GRM7: variants seen among roughly 807,000 people sequenced by gnomAD.
GRM7 encodes glutamate metabotropic receptor 7.
A neutral mutation model predicts 84.5 loss-of-function variants in GRM7; 35 were observed. The ratio of observed to expected loss-of-function variants is 0.41; its 90% CI spans 0.32 to 0.55. The LOEUF is 0.55. GRM7 is among the 20% of genes least tolerant of loss of function. The pLI is 0.19. For synonymous variants in GRM7, 487 were observed against 455.1 expected (o/e 1.07, Z -0.89); for missense variants, 1,003 against 1,194.6 (o/e 0.84, Z 2.36).
At chr3:7,352,076 C>CACAT (rs1693184401) in intron 4 of GRM7, among the ~76,000 whole-genome samples, 1 of 150,380 alleles carries the variant, frequency 6.6e-6, no homozygotes, top group Non-Finnish European at 1.5e-5. Flanking sequence ...CACACACACA[C>CACAT]ACACACACAC....
intron 5 of GRM7, among the ~76,000 whole-genome samples, chr3:7,451,978 G>C (rs956082002): frequency 1.3e-5 from 2 of 152,152 alleles, no homozygotes; most frequent in African/African-American, 4.8e-5. Context: ...ATTGAGCATT[G>C]CACGTGATGG....
intron 5 of GRM7, among the ~76,000 whole-genome samples, chr3:7,444,808 T>C (rs963364609): frequency 6.6e-6 from 1 of 152,210 alleles, no homozygotes; most frequent in African/African-American, 2.4e-5. Context: ...TAAGTGAAGA[T>C]GAATAGCCCC....
At chr3:7,610,402 C>CAAAGT (rs1696796507) in intron 8 of GRM7, among the ~76,000 whole-genome samples, 1 of 152,140 alleles carries the variant, frequency 6.6e-6, no homozygotes, top group Non-Finnish European at 1.5e-5. Context: ...ACTAGTTAAA[C>CAAAGT]AAAGTAATTA....
chr3:7,512,753 G>A (rs1700254649), intron 7 of GRM7, among the ~76,000 whole-genome samples: 1 of 152,036 alleles, frequency 6.6e-6, no homozygotes, highest in African/African-American at 2.4e-5. Context: ...CAACCTGGAG[G>A]ACACTTGGGA....
At chr3:7,712,076 C>G (rs536237565) in intron 9 of GRM7, among the ~76,000 whole-genome samples, 44 of 152,180 alleles carry the variant, frequency 2.9e-4, no homozygotes, top group Non-Finnish European at 4.9e-4. Context: ...AGGAGAAACT[C>G]AATCTCCTTA....
chr3:6,988,311 C>T (rs1185783317), intron 1 of GRM7, among the ~76,000 whole-genome samples: 1 of 151,652 alleles, frequency 6.6e-6, no homozygotes, highest in Admixed American at 6.6e-5. Context: ...GCCCAGCCCA[C>T]CTCTAGCTTT....
At chr3:7,338,036 G>A (rs562357631) in intron 4 of GRM7, among the ~76,000 whole-genome samples, 1 of 151,168 alleles carries the variant, frequency 6.6e-6, no homozygotes, top group Non-Finnish European at 1.5e-5. Context: ...TAAAGAAAAT[G>A]TGGGATATAT....
chr3:7,140,047 G>C (rs1380412698), intron 1 of GRM7, among the ~76,000 whole-genome samples: 1 of 151,960 alleles, frequency 6.6e-6, no homozygotes, highest in Non-Finnish European at 1.5e-5. Context: ...ATGGCCAACA[G>C]GTACATGGAA....
chr3:7,127,563 G>A (rs1305321991), intron 1 of GRM7, among the ~76,000 whole-genome samples: 1 of 152,110 alleles, frequency 6.6e-6, no homozygotes, highest in African/African-American at 2.4e-5. Flanking sequence ...TAATCCTTAG[G>A]ATATATAAAC....
chr3:6,884,884 C>T (rs904608763), intron 1 of GRM7, among the ~76,000 whole-genome samples: 105 of 152,288 alleles, frequency 6.9e-4, no homozygotes, highest in African/African-American at 2.5e-3. Context: ...AGGCGTGAGC[C>T]ACCGCGCCCG....
chr3:7,491,782 A>T (rs1699526691), intron 7 of GRM7, among the ~76,000 whole-genome samples: 1 of 152,258 alleles, frequency 6.6e-6, no homozygotes, highest in Non-Finnish European at 1.5e-5. Flanking sequence ...ATTAAATAAG[A>T]TAAAGCATGG....
chr3:7,633,926 T>C, intron 8 of GRM7, among the ~76,000 whole-genome samples: 1 of 152,200 alleles, frequency 6.6e-6, no homozygotes, highest in East Asian at 1.9e-4. Context: ...ACAACAGACA[T>C]TGTTCAGCAG....
chr3:6,959,771 G>C (rs570650353), intron 1 of GRM7, among the ~76,000 whole-genome samples: 9 of 152,218 alleles, frequency 5.9e-5, no homozygotes, highest in African/African-American at 2.2e-4. Context: ...TGGATCATCA[G>C]CCCATAATCA....
intron 3 of GRM7, among the ~76,000 whole-genome samples, chr3:7,305,931 T>A (rs1206228858): frequency 6.6e-5 from 10 of 152,226 alleles, no homozygotes; most frequent in Non-Finnish European, 8.8e-5. Context: ...GTTCCCTTTT[T>A]TCTTTTATTT....
chr3:6,925,924 A>T (rs925503150), intron 1 of GRM7, among the ~76,000 whole-genome samples: 5 of 152,114 alleles, frequency 3.3e-5, no homozygotes, highest in Non-Finnish European at 7.4e-5. Flanking sequence ...ATCATGTGAG[A>T]GTATGTCTAG....
chr3:6,941,631 ATTCTAAAGT>A (rs1486582673), intron 1 of GRM7, among the ~76,000 whole-genome samples: 1 of 152,262 alleles, frequency 6.6e-6, no homozygotes, highest in Non-Finnish European at 1.5e-5. Context: ...TCAAAAAGGC[ATTCTAAAGT>A]CAAATGGAAA....
At chr3:7,329,549 G>A (rs141165820) in intron 4 of GRM7, among the ~76,000 whole-genome samples, 1 of 152,248 alleles carries the variant, frequency 6.6e-6, no homozygotes, top group East Asian at 1.9e-4. Flanking sequence ...AAAGCCAGGT[G>A]AATGGATTAG....
intron 2 of GRM7, among the ~76,000 whole-genome samples, chr3:7,292,597 C>A (rs1035296742): frequency 6.6e-6 from 1 of 152,008 alleles, no homozygotes; most frequent in Non-Finnish European, 1.5e-5. Flanking sequence ...GAGACCCAGT[C>A]CTTCAACTAT....
chr3:6,999,024 T>TC (rs1694922173), intron 1 of GRM7, among the ~76,000 whole-genome samples: 1 of 152,228 alleles, frequency 6.6e-6, no homozygotes, highest in Non-Finnish European at 1.5e-5. Flanking sequence ...CTTGAAATTC[T>TC]CCCCAGAAAA....
Sources: gnomAD v4.1 joint callset for allele counts (sites outside exome capture counted in the v4.1 genomes callset) on GRCh38, gnomAD v4.1.1 for gene constraint, MANE v1.5 for transcripts, NCBI Gene and HGNC (gene_info 2026-07-23, HGNC 2026-07-21) for gene names.